RHBDD1: variants seen among roughly 807,000 people sequenced by gnomAD.
RHBDD1 encodes the protein rhomboid-related protein 4.
RHBDD1 carries 38 observed loss-of-function variants against 36.3 expected under a neutral mutation model. The observed-to-expected ratio is 1.05, with a 90% CI of 0.81 to 1.37. RHBDD1 has a LOEUF of 1.37. Among genes scored for constraint, RHBDD1 ranks in the 40% most tolerant of loss-of-function variants. RHBDD1 has a pLI of 0.00. For synonymous variants in RHBDD1, 151 were observed against 136.5 expected (o/e 1.11, Z -0.74); for missense variants, 393 against 377.6 (o/e 1.04, Z -0.34).
chr2:226,954,848 T>C (rs567744606), intron 8 of RHBDD1, among the ~76,000 whole-genome samples: 11 of 147,872 alleles, frequency 7.4e-5, no homozygotes, highest in African/African-American at 2.7e-4. Flanking sequence ...AGAGAAGGAG[T>C]GAAGGGGGGC....
intron 5 of RHBDD1, among the ~76,000 whole-genome samples, chr2:226,881,618 G>A (rs541147767): frequency 1.4e-5 from 2 of 144,390 alleles, no homozygotes; most frequent in Admixed American, 6.7e-5. Context: ...ACAAGGTGAA[G>A]TGCTGGAACT....
intron 5 of RHBDD1, among the ~76,000 whole-genome samples, chr2:226,882,301 G>A (rs544984282): frequency 6.6e-6 from 1 of 151,834 alleles, no homozygotes; most frequent in Non-Finnish European, 1.5e-5. Context: ...TTGGTGGCAG[G>A]CACCTGTAAT....
chr2:226,832,955 G>A (rs1940779152), upstream of RHBDD1, among the ~76,000 whole-genome samples: 1 of 152,126 alleles, frequency 6.6e-6, no homozygotes, highest in South Asian at 2.1e-4. Flanking sequence ...AGGTTGCAGT[G>A]AGCCAAGATT....
chr2:226,994,089 G>A (rs749701156), intron 8 of RHBDD1, among the ~76,000 whole-genome samples: 8 of 152,138 alleles, frequency 5.3e-5, no homozygotes, highest in South Asian at 2.1e-4. Flanking sequence ...GCTGGACTGC[G>A]GGCACCTTCC....
Position 226,875,729 on chromosome 2 carries a change from T to C in RHBDD1, c.566+8411T>C, listed in dbSNP as rs147127501. ...GAAAGGGGAAGAGAAAGAACAAATA[T>C]AGGAAGCTTGGCAAATTTATGAAAT... is the stretch of plus-strand genomic sequence containing the variant. On this transcript the variant is annotated intron_variant, in intron 5 of 8. Coordinates refer to ENST00000392062, the MANE Select transcript of RHBDD1 (RefSeq NM_001167608.3). Among the ~76,000 whole-genome samples, 318 of 152,312 alleles carry C rather than the reference T, an allele frequency of 2.1e-3. 4 individuals carry two copies. The highest frequency in any genetic ancestry group is 7.3e-3 in the African/African-American group (304 of 41,566).
chr2:226,834,294 A>T (rs540495103), upstream of RHBDD1, among the ~76,000 whole-genome samples: 7 of 152,364 alleles, frequency 4.6e-5, no homozygotes, highest in South Asian at 6.2e-4. Flanking sequence ...TCCTTTTGAG[A>T]AATTACACAT....
At chr2:226,906,767 T>G (rs1948084486) in intron 5 of RHBDD1, 26 bp from the exon 6 acceptor site, 1 of 1,613,888 alleles carries the variant, frequency 6.2e-7, no homozygotes, top group Admixed American at 1.7e-5. Flanking sequence ...GAACAAACAC[T>G]CACAAAGGGT....
chr2:226,940,179 C>A (rs1950576249), intron 8 of RHBDD1, among the ~76,000 whole-genome samples: 1 of 152,036 alleles, frequency 6.6e-6, no homozygotes, highest in Non-Finnish European at 1.5e-5. Context: ...AAAACCTAGG[C>A]AATTGTTGGG....
At chr2:226,835,848 G>C (rs1333848443), upstream of RHBDD1, 1 of 152,606 alleles carries the variant, frequency 6.6e-6, no homozygotes, top group East Asian at 1.9e-4. Flanking sequence ...ACTGCGCTCT[G>C]CCGCGGTCCT....
the RHBDD1 span, among the ~76,000 whole-genome samples, chr2:226,827,373 T>G: frequency 1.3e-5 from 2 of 152,242 alleles, no homozygotes; most frequent in Non-Finnish European, 1.5e-5. Flanking sequence ...TGTAGTCCAG[T>G]GTCCACATTG....
At chr2:226,859,142 T>C (rs1943602662) in intron 3 of RHBDD1, among the ~76,000 whole-genome samples, 1 of 152,232 alleles carries the variant, frequency 6.6e-6, no homozygotes, top group Non-Finnish European at 1.5e-5. Flanking sequence ...TGTAGACACA[T>C]TTAAAAATAC....
intron 3 of RHBDD1, among the ~76,000 whole-genome samples, chr2:226,849,504 G>T (rs1417472957): frequency 1.3e-5 from 2 of 152,214 alleles, no homozygotes. Flanking sequence ...AGGTGTGATG[G>T]TAGCATTGCC....
At chr2:226,954,244 A>G (rs2149235002) in intron 8 of RHBDD1, among the ~76,000 whole-genome samples, 1 of 152,334 alleles carries the variant, frequency 6.6e-6, no homozygotes, top group South Asian at 2.1e-4. Flanking sequence ...CTTGCAGGAA[A>G]GAAGTGATTA....
At chr2:226,841,030 C>T (rs1941558340) in intron 3 of RHBDD1, among the ~76,000 whole-genome samples, 1 of 152,050 alleles carries the variant, frequency 6.6e-6, no homozygotes, top group Non-Finnish European at 1.5e-5. Context: ...TTGAACAAAC[C>T]TAGGAATGAA....
intron 8 of RHBDD1, chr2:226,942,574 C>A (rs1256677253): frequency 1.1e-5 from 4 of 374,662 alleles, no homozygotes; most frequent in Non-Finnish European, 2.1e-5. Flanking sequence ...ACTGAAAACT[C>A]AGAGGTATGT....
chr2:226,919,894 A>G (rs1949187668), intron 8 of RHBDD1, among the ~76,000 whole-genome samples: 1 of 151,968 alleles, frequency 6.6e-6, no homozygotes, highest in African/African-American at 2.4e-5. Flanking sequence ...GTTGCATTGA[A>G]TCTGTAGTTT....
intron 3 of RHBDD1, among the ~76,000 whole-genome samples, chr2:226,849,025 TA>T (rs1422807901): frequency 3.9e-5 from 6 of 152,192 alleles, no homozygotes; most frequent in South Asian, 2.1e-4. Flanking sequence ...TTTCAGTCAT[TA>T]AAAAATAGCT....
intron 4 of RHBDD1, 52 bp from the exon 5 acceptor site, chr2:226,867,134 A>G: frequency 6.6e-7 from 1 of 1,510,132 alleles, no homozygotes; most frequent in Non-Finnish European, 9.0e-7. Context: ...GTAAATGTTG[A>G]TACTCCTACT....
At position 226,839,315 on chromosome 2, in the gene RHBDD1, A is replaced by T. The variant is rs990227821; in HGVS notation, c.-309-94A>T. 3 of 152,324 alleles carry T rather than the reference A, an allele frequency of 2.0e-5. No individual in the cohort carries two copies. The South Asian group carries it at 6.2e-4, about 32-fold the overall frequency. 9.4% of individuals were successfully genotyped at this position (152,324 alleles called of 1,614,324 possible). A position where few individuals can be genotyped will look rare whatever the true frequency, so the allele number is the denominator to read the frequency against. ...TATGTAAATGTTCTTTAAAAAAACT[A>T]TTAAAAACGGAAGCGATTCTTTAAA... is the stretch of plus-strand genomic sequence containing the variant. On this transcript the variant is annotated intron_variant, in intron 2 of 8. Coordinates refer to ENST00000392062, the MANE Select transcript of RHBDD1 (RefSeq NM_001167608.3).
Sources: allele counts gnomAD v4.1 joint callset (sites outside exome capture counted in the v4.1 genomes callset), GRCh38; gene constraint gnomAD v4.1.1; transcripts MANE v1.5; gene names NCBI Gene and HGNC (gene_info 2026-07-23, HGNC 2026-07-21).